Variants in SHC3 observed in about 807,000 individuals in gnomAD.
SHC3 encodes SHC-transforming protein 3.
A neutral mutation model predicts 60.4 loss-of-function variants in SHC3; 15 were observed. That is an observed-to-expected ratio of 0.25 (90% CI 0.17 to 0.38). SHC3 has a LOEUF of 0.38. Among genes scored for constraint, SHC3 ranks in the 10% least tolerant of loss-of-function variants. The pLI is 1.00. For synonymous variants in SHC3, 294 were observed against 325.9 expected (o/e 0.90, Z 1.05); for missense variants, 677 against 786.1 (o/e 0.86, Z 1.66).
chr9:89,026,006 G>T (rs1826291119), intron 11 of SHC3, among the ~76,000 whole-genome samples: 1 of 152,128 alleles, frequency 6.6e-6, no homozygotes, highest in Admixed American at 6.5e-5. Context: ...CACTTTGGGA[G>T]GCCAAGGCAG....
chr9:89,082,126 C>T (rs1024042931), intron 2 of SHC3, among the ~76,000 whole-genome samples: 2 of 152,186 alleles, frequency 1.3e-5, no homozygotes, highest in Non-Finnish European at 1.5e-5. Context: ...AGCCTCTAAG[C>T]CATGGCGAGC....
At chr9:89,096,400 A>G (rs2118067718) in intron 2 of SHC3, among the ~76,000 whole-genome samples, 1 of 152,320 alleles carries the variant, frequency 6.6e-6, no homozygotes, top group East Asian at 1.9e-4. Context: ...ATTTCCATGA[A>G]CACTAAGCAA....
chr9:89,039,698 A>G (rs575549416), intron 10 of SHC3, among the ~76,000 whole-genome samples: 1 of 151,992 alleles, frequency 6.6e-6, no homozygotes, highest in South Asian at 2.1e-4. Context: ...CATCACCATC[A>G]TTGTCACCAC....
chr9:89,008,125 C>T lies in SHC3; in HGVS notation c.*5322G>A, dbSNP rs1825968016. 1 of 152,208 alleles carries T rather than the reference C, an allele frequency of 6.6e-6. No homozygotes were observed. The highest frequency in any genetic ancestry group is 6.5e-5 in the Admixed American group (1 of 15,286). 9.4% of individuals were successfully genotyped at this position (152,208 alleles called of 1,614,324 possible). A position where few individuals can be genotyped will look rare whatever the true frequency, so the allele number is the denominator to read the frequency against. ...TATAAAGTTGCAATTTTTCTGGCTGCTATAAAATGTGCCAGTTTTAAAACT... is the reference window on the plus strand; with the variant it reads ...TATAAAGTTGCAATTTTTCTGGCTGTTATAAAATGTGCCAGTTTTAAAACT... On this transcript the variant is annotated 3_prime_UTR_variant, in exon 12 of 12. Transcript: ENST00000375835.
intron 7 of SHC3, among the ~76,000 whole-genome samples, chr9:89,048,341 T>A (rs563458772): frequency 6.6e-6 from 1 of 151,680 alleles, no homozygotes; most frequent in African/African-American, 2.4e-5. Context: ...TATTAAGAAC[T>A]CTAAAATGAA....
intron 1 of SHC3, among the ~76,000 whole-genome samples, chr9:89,147,820 C>G (rs1826491894): frequency 6.6e-6 from 1 of 152,064 alleles, no homozygotes; most frequent in Non-Finnish European, 1.5e-5. Context: ...AGCCTGACAC[C>G]CCAGCTCACC....
intron 11 of SHC3, among the ~76,000 whole-genome samples, chr9:89,018,754 C>CT: frequency 7.0e-6 from 1 of 143,146 alleles, no homozygotes; most frequent in Middle Eastern, 3.8e-3. Context: ...AATTCCTCAA[C>CT]TTGATAAAGA....
intron 2 of SHC3, among the ~76,000 whole-genome samples, chr9:89,111,385 G>C (rs1261311918): frequency 3.3e-5 from 5 of 152,090 alleles, no homozygotes; most frequent in Non-Finnish European, 7.4e-5. Context: ...CATGGGTAAG[G>C]TGAATAAATG....
intron 11 of SHC3, among the ~76,000 whole-genome samples, chr9:89,021,023 G>C (rs766014651): frequency 3.3e-5 from 5 of 152,180 alleles, no homozygotes; most frequent in Non-Finnish European, 5.9e-5. Context: ...TGCAGCCCCA[G>C]TTTGACCTCA....
At chr9:89,081,870 G>A (rs1325254610) in intron 2 of SHC3, among the ~76,000 whole-genome samples, 2 of 152,280 alleles carry the variant, frequency 1.3e-5, no homozygotes, top group South Asian at 2.1e-4. Context: ...ACGGAAGAAA[G>A]TGCCTCCTAA....
Position 89,071,199 on chromosome 9 carries a change from C to T in SHC3, c.783G>A (p.Pro261=), listed in dbSNP as rs1241371587. 3.7e-6 allele frequency: 6 copies of T among 1,613,984 alleles called. No homozygotes were observed. Among genetic ancestry groups the T allele is most frequent in the Admixed American group, 1.7e-5 (1 of 60,010 alleles). The change falls in exon 5 of 12, where the codon CCG becomes CCA. Residue 261 remains proline (P), a splice_region_variant and synonymous_variant. Coordinates refer to ENST00000375835, the MANE Select transcript of SHC3 (RefSeq NM_016848.6). ...AGAGACCAACCCCAAGGGTACTTAC[C>T]GGGTCTCCCCCAGAGGCGAAGGAGA... ...RSISFASGGD[P]DTTDYVAYVA...
intron 11 of SHC3, among the ~76,000 whole-genome samples, chr9:89,023,380 G>T (rs1233163230): frequency 6.6e-6 from 1 of 152,218 alleles, no homozygotes; most frequent in Non-Finnish European, 1.5e-5. Context: ...ATTCAGAAAG[G>T]CTGGGTTTAT....
At chr9:89,014,836 A>T (rs1445685107) in intron 11 of SHC3, among the ~76,000 whole-genome samples, 1 of 152,120 alleles carries the variant, frequency 6.6e-6, no homozygotes, top group Non-Finnish European at 1.5e-5. Context: ...TCAGGTGTGC[A>T]TATTGGAAAT....
chr9:89,028,137 C>T (rs895670793), intron 11 of SHC3, among the ~76,000 whole-genome samples: 9 of 152,192 alleles, frequency 5.9e-5, no homozygotes, highest in Admixed American at 3.3e-4. Flanking sequence ...AACCTAAAGT[C>T]TAAACTTCAG....
chr9:89,043,685 T>C (rs867480614), intron 9 of SHC3, among the ~76,000 whole-genome samples: 3 of 152,040 alleles, frequency 2.0e-5, no homozygotes, highest in Admixed American at 1.3e-4. Flanking sequence ...AGGGTCTCAT[T>C]CTGTCACCCA....
chr9:89,042,405 T>C (rs1332186002), intron 9 of SHC3, among the ~76,000 whole-genome samples: 1 of 152,208 alleles, frequency 6.6e-6, no homozygotes, highest in Non-Finnish European at 1.5e-5. Flanking sequence ...CCAGCCAATG[T>C]CAGGGTGGAC....
intron 11 of SHC3, among the ~76,000 whole-genome samples, chr9:89,020,438 C>T (rs1826180939): frequency 6.6e-6 from 1 of 152,104 alleles, no homozygotes; most frequent in African/African-American, 2.4e-5. Flanking sequence ...CATATTCATC[C>T]TTCCCTCTGG....
chr9:89,033,023 CCA>C lies in SHC3; in HGVS notation c.1656+4968_1656+4969del, dbSNP rs372120088. On this transcript the variant is annotated intron_variant, in intron 11 of 11. Transcript: ENST00000375835. ...AATTAGATCCAACAAAAAAGCCCCC[CCA>C]CCGAAGAACAGTCATTAGTAGGTAT... Among the ~76,000 whole-genome samples, 680 of 145,534 alleles carry C rather than the reference CCA, an allele frequency of 4.7e-3. 5 individuals carry two copies. The highest frequency in any genetic ancestry group is 0.016 in the African/African-American group (653 of 40,424).
intron 4 of SHC3, among the ~76,000 whole-genome samples, chr9:89,074,657 C>A (rs1825325520): frequency 8.8e-6 from 1 of 113,512 alleles, no homozygotes; most frequent in African/African-American, 3.4e-5. Flanking sequence ...ACACTATGTA[C>A]TACAAGATGC....
Sources: gnomAD v4.1 joint callset for allele counts (sites outside exome capture counted in the v4.1 genomes callset) on GRCh38, gnomAD v4.1.1 for gene constraint, MANE v1.5 for transcripts, NCBI Gene and HGNC (gene_info 2026-07-23, HGNC 2026-07-21) for gene names.